The following CFAP20DC variants were observed in gnomAD, a reference collection of about 807,000 sequenced individuals.
The protein encoded by CFAP20DC is protein CFAP20DC.
A neutral mutation model predicts 101.7 loss-of-function variants in CFAP20DC; 84 were observed. The observed-to-expected ratio is 0.83, with a 90% CI of 0.69 to 0.99. The LOEUF (loss-of-function observed/expected upper bound fraction) is 0.99, where lower values mean the gene tolerates loss of function less well. CFAP20DC is among the 50% of genes least tolerant of loss of function. The pLI is 0.00. For missense variants in CFAP20DC, 1,007 were observed against 970.3 expected, an observed-to-expected ratio of 1.04 and a Z score of -0.50; for synonymous variants, 359 against 351.2, an observed-to-expected ratio of 1.02 and a Z score of -0.25.
chr3:58,954,854 A>G (rs767683584), intron 4 of CFAP20DC, among the ~76,000 whole-genome samples: 1 of 152,156 alleles, frequency 6.6e-6, no homozygotes, highest in African/African-American at 2.4e-5. Context: ...TTTTAAATTA[A>G]TAACTGGCAC....
At position 58,799,710 on chromosome 3, in the gene CFAP20DC, T is replaced by C. The variant is rs909599837; in HGVS notation, c.2237+6685A>G. ...CATTCCAGCATTCGAGAAGGAGCAGTGTGTGTGTGTCTGTGTGTGTGTCTG... is the reference window on the plus strand; with the variant it reads ...CATTCCAGCATTCGAGAAGGAGCAGCGTGTGTGTGTCTGTGTGTGTGTCTG... On this transcript the variant is annotated intron_variant, in intron 15 of 16. Coordinates refer to ENST00000482387, the MANE Select transcript of CFAP20DC (RefSeq NM_001394063.1). The surrounding 1 kb of genome is among the most constrained non-coding windows in gnomAD (Gnocchi z 4.9). 1.4e-5 allele frequency among the ~76,000 whole-genome samples: 2 copies of C among 147,608 alleles called. No homozygotes were observed. The highest frequency in any genetic ancestry group is 5.1e-5 in the African/African-American group (2 of 38,992).
rs1345403326 is a variant in CFAP20DC at position 58,728,228 on chromosome 3, A to G, written c.198-10600T>C. 6.6e-6 allele frequency: 1 copy of G among 152,354 alleles called. No individual in the cohort carries two copies. The highest frequency in any genetic ancestry group is 1.5e-5 in the Non-Finnish European group (1 of 68,028). The allele number at this position is 152,354 out of a possible 1,614,324, so 9.4% of individuals were successfully genotyped here. A position where few individuals can be genotyped will look rare whatever the true frequency, so the allele number is the denominator to read the frequency against. ...GCTAAGTCTATAGTAACATGTTATT[A>G]TAATTAAATAACGTAATAATGTAAT... On this transcript the variant is annotated intron_variant, in intron 3 of 3. Coordinates refer to the CFAP20DC transcript ENST00000486145. The surrounding 1 kb of genome is among the most constrained non-coding windows in gnomAD (Gnocchi z 4.7).
intron 12 of CFAP20DC, among the ~76,000 whole-genome samples, chr3:58,852,967 C>T (rs2078394569): frequency 6.6e-6 from 1 of 151,912 alleles, no homozygotes; most frequent in Admixed American, 6.6e-5. Flanking sequence ...TAGCAGAAGG[C>T]AAGAAATAAC....
rs889250589 is a variant in CFAP20DC at position 58,964,491 on chromosome 3, A to G, written c.279-26729T>C. ...GTTAACCTGGTCCACTTAAATTCCT[A>G]TCTTATCCCTTCCTTCCTCGAAGTG... On this transcript the variant is annotated intron_variant, in intron 4 of 16. Transcript: ENST00000482387. The surrounding 1 kb of genome is among the most constrained non-coding windows in gnomAD (Gnocchi z 4.1). Among the ~76,000 whole-genome samples, 1 of 152,146 alleles carries G rather than the reference A, an allele frequency of 6.6e-6. No individual in the cohort carries two copies. Among genetic ancestry groups the G allele is most frequent in the African/African-American group, 2.4e-5 (1 of 41,426 alleles).
intron 15 of CFAP20DC, among the ~76,000 whole-genome samples, chr3:58,765,608 T>C (rs2070232630): frequency 1.3e-5 from 2 of 151,758 alleles, no homozygotes; most frequent in Non-Finnish European, 2.9e-5. Context: ...ATTTAAGTAA[T>C]TATTTGGCGT....
intron 4 of CFAP20DC, among the ~76,000 whole-genome samples, chr3:58,990,898 C>T (rs2092916143): frequency 6.6e-6 from 1 of 152,100 alleles, no homozygotes; most frequent in Non-Finnish European, 1.5e-5. Flanking sequence ...TATTTCTTAA[C>T]ACTCACTTTG....
chr3:59,028,900 C>T (rs1448829750), intron 4 of CFAP20DC, among the ~76,000 whole-genome samples: 3 of 152,024 alleles, frequency 2.0e-5, no homozygotes, highest in Non-Finnish European at 2.9e-5. Flanking sequence ...TTACTCTCAC[C>T]CCATAAGGTG....
intron 15 of CFAP20DC, among the ~76,000 whole-genome samples, chr3:58,803,862 T>C (rs1179047655): frequency 6.6e-6 from 1 of 152,216 alleles, no homozygotes; most frequent in Non-Finnish European, 1.5e-5. Flanking sequence ...TAAATAAACA[T>C]TTAATTGGTT....
At chr3:58,880,107 C>A (rs1031738326) in intron 7 of CFAP20DC, among the ~76,000 whole-genome samples, 4 of 152,020 alleles carry the variant, frequency 2.6e-5, no homozygotes, top group Non-Finnish European at 4.4e-5. Flanking sequence ...CAATCATTGA[C>A]ATCAATCATG....
chr3:58,827,032 A>G (rs1406812270), intron 14 of CFAP20DC, among the ~76,000 whole-genome samples: 5 of 152,140 alleles, frequency 3.3e-5, no homozygotes, highest in Non-Finnish European at 7.4e-5. Context: ...ATGATACTAT[A>G]ATGGTAGATA....
intron 15 of CFAP20DC, among the ~76,000 whole-genome samples, chr3:58,759,910 C>G (rs978745969): frequency 6.6e-6 from 1 of 152,222 alleles, no homozygotes; most frequent in East Asian, 1.9e-4. Flanking sequence ...GTTTTGGTAC[C>G]AGTACCATGC....
chr3:58,898,932 A>G (rs1281137060), intron 6 of CFAP20DC, among the ~76,000 whole-genome samples: 1 of 150,306 alleles, frequency 6.7e-6, no homozygotes, highest in African/African-American at 2.5e-5. Context: ...CAGTCAGGCT[A>G]TTCTTCCATA....
At chr3:58,876,804 C>G (rs1439263605) in intron 7 of CFAP20DC, among the ~76,000 whole-genome samples, 2 of 152,178 alleles carry the variant, frequency 1.3e-5, no homozygotes. Context: ...TCAAGACTTA[C>G]ATCTATTATC....
intron 3 of CFAP20DC, among the ~76,000 whole-genome samples, chr3:59,043,020 G>A (rs972957437): frequency 5.9e-5 from 9 of 152,190 alleles, no homozygotes; most frequent in African/African-American, 2.2e-4. Flanking sequence ...GTAAAGACCA[G>A]AAGTTAGGCT....
intron 14 of CFAP20DC, among the ~76,000 whole-genome samples, chr3:58,807,724 G>C (rs1278969779): frequency 6.6e-6 from 1 of 152,266 alleles, no homozygotes. Context: ...GAATGACTTT[G>C]ACGAGTTGCG....
intron 6 of CFAP20DC, among the ~76,000 whole-genome samples, chr3:58,893,175 C>T (rs1205513573): frequency 6.6e-6 from 1 of 151,934 alleles, no homozygotes; most frequent in Non-Finnish European, 1.5e-5. Context: ...TCCTGAGTAG[C>T]TGGGACTACA....
At chr3:58,809,979 T>C (rs1050614631) in intron 14 of CFAP20DC, among the ~76,000 whole-genome samples, 1 of 152,096 alleles carries the variant, frequency 6.6e-6, no homozygotes, top group African/African-American at 2.4e-5. Context: ...CCTGGACACA[T>C]ACACCATCCC....
chr3:58,769,408 A>AT (rs1389415572), intron 15 of CFAP20DC, among the ~76,000 whole-genome samples: 1 of 152,166 alleles, frequency 6.6e-6, no homozygotes, highest in Non-Finnish European at 1.5e-5. Flanking sequence ...TGACCTGCCC[A>AT]TTTGTGTGAC....
chr3:58,949,378 G>C (rs535126513), intron 4 of CFAP20DC, among the ~76,000 whole-genome samples: 19 of 151,926 alleles, frequency 1.3e-4, no homozygotes, highest in Non-Finnish European at 2.4e-4. Flanking sequence ...GTGATGTTAC[G>C]GTGTCAATTT....
Sources: gnomAD v4.1 joint callset for allele counts (sites outside exome capture counted in the v4.1 genomes callset) on GRCh38, gnomAD v4.1.1 for gene constraint, Gnocchi (gnomAD v3.1) non-coding constraint, MANE v1.5 for transcripts, NCBI Gene and HGNC (gene_info 2026-07-23, HGNC 2026-07-21) for gene names.